The following PWP1 variants were observed in gnomAD, a reference collection of about 807,000 sequenced individuals.
PWP1 encodes the protein PWP1 homolog, endonuclein, also known as periodic tryptophan protein 1 homolog.
A neutral mutation model predicts 69.9 loss-of-function variants in PWP1; 47 were observed. The observed-to-expected ratio is 0.67, with a 90% confidence interval of 0.53 to 0.86. The LOEUF (loss-of-function observed/expected upper bound fraction) is 0.86, where lower values mean the gene tolerates loss of function less well. Among genes scored for constraint, PWP1 ranks in the 40% least tolerant of loss-of-function variants. The pLI is 0.00. For missense variants in PWP1, 551 were observed against 608.8 expected (o/e 0.91, Z 1.00); for synonymous variants, 222 against 208.2 (o/e 1.07, Z -0.57).
intron 14 of PWP1, among the ~76,000 whole-genome samples, chr12:107,711,305 C>T (rs369963999): frequency 5.9e-5 from 9 of 152,168 alleles, no homozygotes; most frequent in East Asian, 3.9e-4. Context: ...TGCCCTCATT[C>T]GTAAACCCAC....
At chr12:107,707,507 C>T (rs1387281131) in intron 11 of PWP1, among the ~76,000 whole-genome samples, 2 of 152,158 alleles carry the variant, frequency 1.3e-5, no homozygotes, top group Non-Finnish European at 2.9e-5. Context: ...AGTTTTTGCC[C>T]ATTCAGTATG....
At chr12:107,691,060 C>T (rs2136272192) in intron 3 of PWP1, among the ~76,000 whole-genome samples, 1 of 152,308 alleles carries the variant, frequency 6.6e-6, no homozygotes, top group South Asian at 2.1e-4. Flanking sequence ...AATTAGCTGT[C>T]TTGTCCTGGA....
chr12:107,698,415 C>T (rs911521728), intron 7 of PWP1, among the ~76,000 whole-genome samples: 1 of 152,260 alleles, frequency 6.6e-6, no homozygotes, highest in South Asian at 2.1e-4. Flanking sequence ...AGTCCTAGCA[C>T]TTTGGGAGGC....
At chr12:107,703,112 A>T (rs1889746093) in intron 9 of PWP1, 81 bp downstream of exon 9, 1 of 1,007,880 alleles carries the variant, frequency 9.9e-7, no homozygotes, top group Non-Finnish European at 1.5e-6. Flanking sequence ...ACGTTTATAT[A>T]TGGCTTTGAA....
intron 11 of PWP1, 110 bp from the exon 12 acceptor site, chr12:107,708,816 T>G (rs1889880209): frequency 1.0e-6 from 1 of 989,810 alleles, no homozygotes; most frequent in Non-Finnish European, 1.5e-6. Flanking sequence ...TAATTTTTCA[T>G]AAGTTCCACC....
chr12:107,712,170 A>G lies in PWP1; in HGVS notation c.1456A>G (p.Ile486Val), dbSNP rs1566084691. The G allele has an allele frequency of 7.4e-6, 12 of 1,613,998 alleles. No homozygotes were observed. In the Admixed American group the frequency reaches 1.3e-4, roughly 18 times the overall value. The change falls in exon 15 of 15, where the codon ATT (isoleucine) becomes GTT (valine). Residue 486 changes from isoleucine (I) to valine (V), a missense_variant. Physicochemically the swap from Ile to Val is conservative, Grantham distance 29. Transcript: ENST00000412830. The stretch of plus-strand genomic sequence containing the variant: ...TCTTGGGAGTGCAAGAAATTCATCT[A>G]TTAGTGGCCCTTTTGGCAGCAGGAG... ...LVLGSARNSS[I>V]SGPFGSRSSD...
In PWP1 at chr12:107,704,760, ATGT is replaced by A. The variant is rs773485716; in HGVS notation, c.1077+21_1077+23del. On this transcript the variant is annotated intron_variant, in intron 11 of 14. Transcript: ENST00000412830. ...TTGTCATTTCTTGGTAAGAGTACGA[ATGT>A]TGTTGTTTTGCTTTTCTAGGTTGCT... The A allele has an allele frequency of 6.5e-5, 104 of 1,604,270 alleles. No individual in the cohort carries two copies. The African/African-American group carries it at 8.8e-4, about 14-fold the overall frequency.
At chr12:107,703,144 G>A in intron 9 of PWP1, 113 bp downstream of exon 9, 1 of 777,298 alleles carries the variant, frequency 1.3e-6, no homozygotes. Context: ...CTGGCTTGCG[G>A]CATGCTTTCA....
At chr12:107,686,742 G>A (rs773346967) in intron 1 of PWP1, among the ~76,000 whole-genome samples, 2 of 152,148 alleles carry the variant, frequency 1.3e-5, no homozygotes, top group South Asian at 2.1e-4. Context: ...CAAGGCGGGC[G>A]GATCACGAGG....
At position 107,693,462 on chromosome 12, in the gene PWP1, G is replaced by A. The variant is rs377623895; in HGVS notation, c.502+366G>A. Among the ~76,000 whole-genome samples, 229 of 152,158 alleles carry A rather than the reference G, an allele frequency of 1.5e-3. 2 individuals carry two copies. Among genetic ancestry groups the A allele is most frequent in the Admixed American group, 6.7e-3 (103 of 15,276 alleles). On this transcript the variant is annotated intron_variant, in intron 5 of 14. Coordinates refer to ENST00000412830, the MANE Select transcript of PWP1 (RefSeq NM_007062.3). Reference sequence around the variant, plus strand: ...GCTGGGTGCTGGATTACAGGTGTGAGCCACCACACCTGGCCTCATAGAGGT... The same window carrying A: ...GCTGGGTGCTGGATTACAGGTGTGAACCACCACACCTGGCCTCATAGAGGT...
At chr12:107,701,672 T>G (rs2136280860) in intron 8 of PWP1, among the ~76,000 whole-genome samples, 1 of 152,192 alleles carries the variant, frequency 6.6e-6, no homozygotes, top group African/African-American at 2.4e-5. Flanking sequence ...CATTTGTCCC[T>G]GAACCATTTG....
chr12:107,697,689 C>T, intron 7 of PWP1, 92 bp downstream of exon 7: 1 of 1,299,100 alleles, frequency 7.7e-7, no homozygotes, highest in South Asian at 1.2e-5. Flanking sequence ...CTTTTTCAAT[C>T]AGGTATTCTT....
At chr12:107,708,774 G>T in intron 11 of PWP1, 152 bp from the exon 12 acceptor site, 1 of 712,182 alleles carries the variant, frequency 1.4e-6, no homozygotes, top group Non-Finnish European at 2.3e-6. Flanking sequence ...GCAAACTCAG[G>T]TCGTCCAAAA....
chr12:107,692,968 C>T, intron 4 of PWP1, 32 bp from the exon 5 acceptor site: 1 of 1,613,368 alleles, frequency 6.2e-7, no homozygotes, highest in Non-Finnish European at 8.5e-7. Flanking sequence ...CTCTCTGCTT[C>T]TAGTCAATGA....
rs1427317724 is a variant in PWP1 at position 107,696,625 on chromosome 12, TA to T, written c.613+42del. On this transcript the variant is annotated intron_variant, in intron 6 of 14. Transcript: ENST00000412830. ...AAGGTTGTTCAATGATTTCCAGTCTTATGTATTTTCTCCTAGCTCCATAAAT... is the reference window on the plus strand; with the variant it reads ...AAGGTTGTTCAATGATTTCCAGTCTTTGTATTTTCTCCTAGCTCCATAAAT... 1.9e-6 allele frequency: 3 copies of T among 1,610,492 alleles called. No homozygotes were observed. In the African/African-American group the frequency reaches 4.0e-5, roughly 22 times the overall value.
At position 107,708,942 on chromosome 12, in the gene PWP1, G is replaced by A; in HGVS notation, c.1094G>A (p.Gly365Asp). The A allele has an allele frequency of 6.2e-7, 1 of 1,613,466 alleles. No homozygotes were observed. The highest frequency in any genetic ancestry group is 8.5e-7 in the Non-Finnish European group (1 of 1,179,832). The part of the protein sequence containing the change: ...PCHFLASTDD[G>D]FVYNLDARSD... ...TCTTTCTAGGCCAGTACAGATGACGGCTTTGTATATAATTTGGATGCACGT... is the reference window on the plus strand; with the variant it reads ...TCTTTCTAGGCCAGTACAGATGACGACTTTGTATATAATTTGGATGCACGT... The change falls in exon 12 of 15, where the codon GGC becomes GAC. Residue 365 changes from glycine (G) to aspartate (D), a missense_variant. By Grantham distance (94) the Gly-to-Asp change is moderately conservative. Transcript: ENST00000412830.
rs141495217 is a variant in PWP1, at chr12:107,694,923, G to C, written c.503-1551G>C. ...CAAATTTATATTCTAAAACTGATCC[G>C]AATATTGATCTCACGTGGTTAAGAG... is the stretch of plus-strand genomic sequence containing the variant. On this transcript the variant is annotated intron_variant, in intron 5 of 14. Transcript: ENST00000412830. 4.8e-4 allele frequency among the ~76,000 whole-genome samples: 73 copies of C among 152,168 alleles called. No individual in the cohort carries two copies. In the East Asian group the frequency reaches 0.012, roughly 26 times the overall value.
At chr12:107,696,003 T>G (rs935908538) in intron 5 of PWP1, among the ~76,000 whole-genome samples, 6 of 152,038 alleles carry the variant, frequency 3.9e-5, no homozygotes, top group Admixed American at 3.3e-4. Context: ...ACATGCAGAA[T>G]TTTTGCCTAG....
chr12:107,686,004 A>C, intron 1 of PWP1, 33 bp downstream of exon 1: 1 of 1,611,062 alleles, frequency 6.2e-7, no homozygotes, highest in Non-Finnish European at 8.5e-7. Flanking sequence ...CAAGGGGAGC[A>C]GCGTCTTTAC....
Sources: gnomAD v4.1 joint callset for allele counts (sites outside exome capture counted in the v4.1 genomes callset) on GRCh38, gnomAD v4.1.1 for gene constraint, MANE v1.5 for transcripts, NCBI Gene and HGNC (gene_info 2026-07-23, HGNC 2026-07-21) for gene names.